BPTF: variants seen among roughly 807,000 people sequenced by gnomAD.
BPTF encodes bromodomain PHD finger transcription factor.
BPTF carries 18 observed loss-of-function variants against 292.5 expected under a neutral mutation model. The observed-to-expected ratio is 0.06, with a 90% CI of 0.04 to 0.09. BPTF has a LOEUF of 0.09. Ranked by LOEUF, BPTF falls within the 10% of genes least tolerant of loss-of-function variation. The pLI, the probability that BPTF is intolerant of heterozygous loss-of-function variation, is 1.00. For missense variants in BPTF, 2,726 were observed against 3,498.7 expected (o/e 0.78, Z 5.57); for synonymous variants, 1,225 against 1,251.9 (o/e 0.98, Z 0.45).
chr17:67,871,161 G>A (rs2059707975), intron 3 of BPTF, among the ~76,000 whole-genome samples: 1 of 152,010 alleles, frequency 6.6e-6, no homozygotes, highest in Non-Finnish European at 1.5e-5. Flanking sequence ...ATTTTTGATA[G>A]TTAAATTTTT....
chr17:67,939,790 G>GA (rs2147801232), intron 18 of BPTF, among the ~76,000 whole-genome samples: 1 of 152,348 alleles, frequency 6.6e-6, no homozygotes, highest in South Asian at 2.1e-4. Context: ...TCAGGCAGGA[G>GA]AATCGCTTGA....
chr17:67,904,982 T>C (rs777943282), intron 9 of BPTF, 142 bp downstream of exon 9: 4 of 568,412 alleles, frequency 7.0e-6, no homozygotes, highest in Non-Finnish European at 1.1e-5. Context: ...TTTAGTTTAC[T>C]AAAACCCTAA....
chr17:67,920,498 A>C (rs532583412), intron 13 of BPTF, among the ~76,000 whole-genome samples: 1 of 152,328 alleles, frequency 6.6e-6, no homozygotes, highest in African/African-American at 2.4e-5. Context: ...TAAGTGGGTC[A>C]ATAAAGGTTT....
intron 23 of BPTF, among the ~76,000 whole-genome samples, chr17:67,952,054 C>A (rs1463192491): frequency 4.4e-3 from 315 of 71,280 alleles, no homozygotes; most frequent in African/African-American, 9.4e-3. Flanking sequence ...GACTCTGTCT[C>A]AAAAAAAAAA....
intron 1 of BPTF, among the ~76,000 whole-genome samples, chr17:67,827,129 G>T (rs2056147226): frequency 6.6e-6 from 1 of 152,220 alleles, no homozygotes; most frequent in Admixed American, 6.5e-5. Flanking sequence ...TAACTCATTT[G>T]ATCGCTTTGC....
intron 1 of BPTF, among the ~76,000 whole-genome samples, chr17:67,842,096 CTTATG>C (rs967557911): frequency 1.3e-5 from 2 of 151,970 alleles, no homozygotes; most frequent in Non-Finnish European, 2.9e-5. Context: ...GCGCCCCTCC[CTTATG>C]TTATAATTGT....
chr17:67,932,293 A>G (rs2064466110), intron 18 of BPTF, among the ~76,000 whole-genome samples: 1 of 152,262 alleles, frequency 6.6e-6, no homozygotes, highest in African/African-American at 2.4e-5. Context: ...CCGTATAGCA[A>G]AAGACAGAAA....
Position 67,959,826 on chromosome 17 carries a change from A to G in BPTF, c.8212A>G (p.Lys2738Glu). 1 of 1,613,566 alleles carries G rather than the reference A, an allele frequency of 6.2e-7. No individual in the cohort carries two copies. Among genetic ancestry groups the G allele is most frequent in the South Asian group, 1.1e-5 (1 of 91,028 alleles). Reference sequence around the variant, plus strand: ...CTCTACTACCTCAAAGGAAACTAAGAAGGACACAAAGCTTTACTGTATCTG... The same window carrying G: ...CTCTACTACCTCAAAGGAAACTAAGGAGGACACAAAGCTTTACTGTATCTG... ...MISTTSKETK[K>E]DTKLYCICKT... The change falls in exon 24 of 28, where the codon AAG (lysine) becomes GAG (glutamate). Residue 2738 changes from lysine to glutamate, a missense_variant. Physicochemically the swap from Lys to Glu is moderately conservative, Grantham distance 56. This residue lies in a region of BPTF where 148 missense variants were observed against 145.5 expected (regional missense o/e 1.02). Transcript: ENST00000306378.
intron 27 of BPTF, chr17:67,981,586 A>G (rs2070368394): frequency 1.9e-6 from 2 of 1,054,298 alleles, no homozygotes; most frequent in Admixed American, 5.8e-5. Context: ...TTAAAGATGT[A>G]TCGTGGTAAA....
At chr17:67,966,094 T>C (rs1326979737) in intron 25 of BPTF, 3 of 159,684 alleles carry the variant, frequency 1.9e-5, no homozygotes, top group African/African-American at 7.2e-5. Flanking sequence ...GTGCACTGGA[T>C]TGAAACTTTC....
chr17:67,857,859 CT>C (rs1676874281), intron 2 of BPTF, among the ~76,000 whole-genome samples: 1 of 145,398 alleles, frequency 6.9e-6, no homozygotes, highest in African/African-American at 2.6e-5. Flanking sequence ...CGATCCTTGG[CT>C]CACTGCAACC....
intron 18 of BPTF, among the ~76,000 whole-genome samples, chr17:67,938,133 A>G (rs1468461668): frequency 6.6e-6 from 1 of 152,156 alleles, no homozygotes; most frequent in Non-Finnish European, 1.5e-5. Flanking sequence ...AAATTATTAC[A>G]TTTTTGAATT....
intron 13 of BPTF, among the ~76,000 whole-genome samples, chr17:67,921,415 A>G (rs1295416589): frequency 2.0e-5 from 3 of 151,866 alleles, no homozygotes; most frequent in Admixed American, 2.0e-4. Context: ...AGTCCCAGCT[A>G]CTTGGGAGGG....
At chr17:67,895,767 A>G (rs369558728) in intron 7 of BPTF, among the ~76,000 whole-genome samples, 2 of 152,184 alleles carry the variant, frequency 1.3e-5, no homozygotes, top group South Asian at 2.1e-4. Flanking sequence ...TAAGAGTGCA[A>G]TTAGTACAGT....
At chr17:67,916,800 T>A (rs912902926) in intron 11 of BPTF, among the ~76,000 whole-genome samples, 5 of 151,384 alleles carry the variant, frequency 3.3e-5, no homozygotes, top group Admixed American at 6.6e-5. Flanking sequence ...GCATTGCCTT[T>A]TACATACAGA....
At position 67,945,860 on chromosome 17, in the gene BPTF, G is replaced by C; in HGVS notation, c.7152G>C (p.Gln2384His). Residue 2384 changes from glutamine (Q) to histidine (H), a missense_variant, in exon 21 of 28, where the codon CAG becomes CAC. By Grantham distance (24) the Gln-to-His change is conservative (BLOSUM62 0). Around this residue, in one of 22 missense-constraint regions of BPTF, gnomAD observed 570 missense variants for 633.5 expected, o/e 0.90. Coordinates refer to ENST00000306378, the MANE Select transcript of BPTF (RefSeq NM_182641.4). ...CAATTCAACCACATACATCTCTTCA[G>C]ATACCTTCCCAAGGCCAGCCACAGT... ...PIPIQPHTSL[Q>H]IPSQGQPQSQ... 6.2e-7 allele frequency: 1 copy of C among 1,614,082 alleles called. No individual in the cohort carries two copies. The highest frequency in any genetic ancestry group is 8.5e-7 in the Non-Finnish European group (1 of 1,180,036).
chr17:67,958,712 C>T (rs1464756142), intron 23 of BPTF, among the ~76,000 whole-genome samples: 1 of 151,844 alleles, frequency 6.6e-6, no homozygotes, highest in African/African-American at 2.4e-5. Flanking sequence ...GCCTAGGCAA[C>T]AAAGCACTTT....
rs751039972 is a variant in BPTF at position 67,826,150 on chromosome 17, C to CGAGGAG, written c.441_446dup (p.Glu147_Glu148dup). The CGAGGAG allele has an allele frequency of 1.3e-4, 195 of 1,497,900 alleles. No homozygotes were observed. The highest frequency in any genetic ancestry group is 1.7e-4 in the Non-Finnish European group (179 of 1,077,552). The allele number at this position is 1,497,900 out of a possible 1,614,324, so 92.8% of individuals were successfully genotyped here. ...AGGAGGAAGAGGAGGACATGGTCTC[C>CGAGGAG]GAGGAGGAGGAGGAGGAGGACGGCG... On this transcript the variant is annotated inframe_insertion, in exon 1 of 28. Transcript: ENST00000306378.
intron 4 of BPTF, among the ~76,000 whole-genome samples, chr17:67,889,040 G>C (rs1334964701): frequency 6.6e-6 from 1 of 152,126 alleles, no homozygotes; most frequent in Non-Finnish European, 1.5e-5. Context: ...CTGTTTAGTA[G>C]GCCAATAGTC....
Sources: allele counts gnomAD v4.1 joint callset (sites outside exome capture counted in the v4.1 genomes callset), GRCh38; gene constraint gnomAD v4.1.1; regional missense constraint gnomAD v4.1.1; transcripts MANE v1.5; gene names NCBI Gene and HGNC (gene_info 2026-07-23, HGNC 2026-07-21).